The following CTNNA2 variants were observed in gnomAD, a reference collection of about 807,000 sequenced individuals.
CTNNA2 encodes catenin alpha 2.
CTNNA2 carries 42 observed loss-of-function variants against 101.0 expected under a neutral mutation model. The ratio of observed to expected loss-of-function variants is 0.42; its 90% confidence interval spans 0.32 to 0.54. The LOEUF (loss-of-function observed/expected upper bound fraction) is 0.54. Ranked by LOEUF, CTNNA2 falls within the 20% of genes least tolerant of loss-of-function variation. The pLI is 0.14. For missense variants in CTNNA2, 871 were observed against 1,223.1 expected (o/e 0.71, Z 4.29); for synonymous variants, 450 against 456.4 (o/e 0.99, Z 0.18).
chr2:80,593,356 T>C (rs1696678399), intron 15 of CTNNA2, among the ~76,000 whole-genome samples: 1 of 152,004 alleles, frequency 6.6e-6, no homozygotes, highest in Non-Finnish European at 1.5e-5. Flanking sequence ...TTTTTGTTTG[T>C]TTGTTTGTTT....
chr2:79,823,604 A>G (rs567642152), intron 3 of CTNNA2, among the ~76,000 whole-genome samples: 63 of 152,256 alleles, frequency 4.1e-4, no homozygotes, highest in African/African-American at 1.5e-3. Flanking sequence ...ACCTTCAGAA[A>G]AATAGAGATA....
At chr2:79,439,060 T>A (rs1678749383) in intron 4 of CTNNA2, among the ~76,000 whole-genome samples, 2 of 152,154 alleles carry the variant, frequency 1.3e-5, no homozygotes, top group African/African-American at 4.8e-5. Flanking sequence ...CCAGTGAACA[T>A]GTTCCTAGCT....
intron 6 of CTNNA2, among the ~76,000 whole-genome samples, chr2:79,886,935 C>T (rs533698213): frequency 6.6e-6 from 1 of 151,794 alleles, no homozygotes; most frequent in South Asian, 2.1e-4. Flanking sequence ...CTTCCCACCT[C>T]AGCCTCCCGA....
chr2:80,626,493 C>T (rs999769103), intron 18 of CTNNA2, among the ~76,000 whole-genome samples: 1 of 152,076 alleles, frequency 6.6e-6, no homozygotes, highest in Non-Finnish European at 1.5e-5. Flanking sequence ...CCACTTTCAT[C>T]ACCATACATA....
intron 2 of CTNNA2, among the ~76,000 whole-genome samples, chr2:79,214,372 G>A (rs1674217828): frequency 6.6e-6 from 1 of 152,098 alleles, no homozygotes; most frequent in Admixed American, 6.5e-5. Flanking sequence ...GAGGTATTGA[G>A]GATATGAGAG....
At chr2:79,278,531 T>A in intron 2 of CTNNA2, among the ~76,000 whole-genome samples, 2 of 144,236 alleles carry the variant, frequency 1.4e-5, no homozygotes, top group Non-Finnish European at 1.5e-5. Context: ...GAAAAAAAAA[T>A]GTAATTGTGG....
At chr2:80,042,844 T>C (rs1043358305) in intron 7 of CTNNA2, among the ~76,000 whole-genome samples, 1 of 152,322 alleles carries the variant, frequency 6.6e-6, no homozygotes, top group African/African-American at 2.4e-5. Context: ...TATAAAATCA[T>C]AGGGAATGTG....
chr2:79,594,788 T>C (rs144239224), intron 1 of CTNNA2, among the ~76,000 whole-genome samples: 87 of 152,280 alleles, frequency 5.7e-4, no homozygotes, highest in African/African-American at 2.1e-3. Context: ...ATCTATACTC[T>C]GAGCCCACAA....
chr2:79,215,815 AG>A (rs1338368306), intron 2 of CTNNA2, among the ~76,000 whole-genome samples: 8 of 152,018 alleles, frequency 5.3e-5, no homozygotes, highest in Admixed American at 5.2e-4. Context: ...GGGTGTGAGG[AG>A]GGGAGGTGAT....
intron 6 of CTNNA2, among the ~76,000 whole-genome samples, chr2:79,882,836 T>C (rs1051749253): frequency 6.6e-6 from 1 of 152,128 alleles, no homozygotes; most frequent in Non-Finnish European, 1.5e-5. Context: ...GTAGCATGGG[T>C]TTGCAAGTGG....
chr2:79,744,809 C>A (rs1671528696), intron 3 of CTNNA2, among the ~76,000 whole-genome samples: 1 of 152,160 alleles, frequency 6.6e-6, no homozygotes, highest in Non-Finnish European at 1.5e-5. Context: ...TACGTCAAAT[C>A]TTCAAGATGT....
intron 2 of CTNNA2, among the ~76,000 whole-genome samples, chr2:79,274,586 A>G (rs138490976): frequency 3.3e-5 from 5 of 152,138 alleles, no homozygotes; most frequent in African/African-American, 1.2e-4. Flanking sequence ...GTATTTTTTG[A>G]AATGATATGT....
rs145584853 is a variant in CTNNA2 at position 79,814,638 on chromosome 2, C to CACACACACACACACAT, written c.299-43374_299-43373insCACACACACACACATA. ...ACACACACACACACACACACACACA[C>CACACACACACACACAT]ATATATATATATATCACAGTTTCTT... is the stretch of plus-strand genomic sequence containing the variant. On this transcript the variant is annotated intron_variant, in intron 3 of 18. Transcript: ENST00000402739. 3.8e-3 allele frequency among the ~76,000 whole-genome samples: 560 copies of CACACACACACACACAT among 147,036 alleles called. 5 individuals are homozygous for CACACACACACACACAT. Among genetic ancestry groups the CACACACACACACACAT allele is most frequent in the African/African-American group, 0.012 (486 of 39,234 alleles).
intron 1 of CTNNA2, among the ~76,000 whole-genome samples, chr2:79,594,972 A>C (rs979284326): frequency 6.6e-6 from 1 of 151,574 alleles, no homozygotes; most frequent in African/African-American, 2.4e-5. Flanking sequence ...TTTTTTTGAA[A>C]GATTGTGTTT....
intron 2 of CTNNA2, among the ~76,000 whole-genome samples, chr2:79,731,509 T>C (rs1049359188): frequency 6.6e-6 from 1 of 152,108 alleles, no homozygotes; most frequent in African/African-American, 2.4e-5. Context: ...ATGTGATAGC[T>C]TGTGGCTACC....
intron 7 of CTNNA2, among the ~76,000 whole-genome samples, chr2:80,182,019 G>A (rs1031663618): frequency 3.3e-5 from 5 of 152,114 alleles, no homozygotes; most frequent in Admixed American, 3.3e-4. Flanking sequence ...AGAGATACAG[G>A]ACTAATAGGA....
intron 3 of CTNNA2, among the ~76,000 whole-genome samples, chr2:79,810,627 T>C (rs1340148511): frequency 1.3e-5 from 2 of 151,800 alleles, no homozygotes; most frequent in African/African-American, 4.8e-5. Flanking sequence ...GCTGCACCCA[T>C]TAACTCATCA....
intron 3 of CTNNA2, among the ~76,000 whole-genome samples, chr2:79,786,487 A>AT (rs10648026): frequency 0.023 from 3,510 of 151,726 alleles, 113 homozygotes; most frequent in African/African-American, 0.076. Flanking sequence ...TTAAGTAAAG[A>AT]TATTTTTTTT....
chr2:80,306,317 C>T (rs980155707), intron 7 of CTNNA2, among the ~76,000 whole-genome samples: 2 of 152,222 alleles, frequency 1.3e-5, no homozygotes, highest in Admixed American at 6.5e-5. Context: ...CAAGAGACAT[C>T]ATGGTTTATC....
Sources: allele counts gnomAD v4.1 joint callset (sites outside exome capture counted in the v4.1 genomes callset), GRCh38; gene constraint gnomAD v4.1.1; transcripts MANE v1.5; gene names NCBI Gene and HGNC (gene_info 2026-07-23, HGNC 2026-07-21).